Variants in DNAJC1 observed in about 807,000 individuals in gnomAD.
DNAJC1 encodes the protein dnaJ homolog subfamily C member 1.
In DNAJC1, 58 loss-of-function variants were observed where a neutral mutation model predicts 76.6. The observed-to-expected ratio is 0.76, with a 90% confidence interval of 0.61 to 0.94. DNAJC1 has a LOEUF of 0.94. Among genes scored for constraint, DNAJC1 ranks in the 40% least tolerant of loss-of-function variants. The pLI, the probability that DNAJC1 is intolerant of heterozygous loss-of-function variation, is 0.00. For synonymous variants in DNAJC1, 258 were observed against 267.9 expected (o/e 0.96, Z 0.36); for missense variants, 689 against 677.3 (o/e 1.02, Z -0.19).
At chr10:21,911,364 G>T (rs1370110709) in intron 6 of DNAJC1, among the ~76,000 whole-genome samples, 3 of 151,766 alleles carry the variant, frequency 2.0e-5, no homozygotes, top group African/African-American at 7.3e-5. Flanking sequence ...ATATTGTTTT[G>T]TTCTCCCATT....
intron 9 of DNAJC1, among the ~76,000 whole-genome samples, chr10:21,766,961 C>A (rs1453622542): frequency 1.4e-5 from 2 of 144,248 alleles, no homozygotes; most frequent in Non-Finnish European, 3.0e-5. Flanking sequence ...CGGAGTGAGA[C>A]CCTGCCTAAA....
chr10:21,833,134 T>C (rs1344820387), intron 8 of DNAJC1, among the ~76,000 whole-genome samples: 1 of 152,218 alleles, frequency 6.6e-6, no homozygotes, highest in Non-Finnish European at 1.5e-5. Context: ...ATTTAGCTCT[T>C]TGTCTGACCT....
Position 21,864,205 on chromosome 10 carries a change from C to T in DNAJC1, c.978+18077G>A, listed in dbSNP as rs912810817. On this transcript the variant is annotated intron_variant, in intron 8 of 11. Coordinates refer to ENST00000376980, the MANE Select transcript of DNAJC1 (RefSeq NM_022365.4). ...TGCCACTGCACTCCAGCCTCAGTGA[C>T]CCAGTGAGACCCTGTCTCAAAAAGA... 2.6e-5 allele frequency among the ~76,000 whole-genome samples: 4 copies of T among 152,162 alleles called. No homozygotes were observed. In the South Asian group the frequency reaches 6.2e-4, roughly 24 times the overall value.
In DNAJC1 at chr10:21,799,628, A is replaced by G. The variant is rs1260775326; in HGVS notation, c.1098+6352T>C. Among the ~76,000 whole-genome samples the G allele has an allele frequency of 4.6e-5, 7 of 151,826 alleles. No homozygotes were observed. The South Asian group carries it at 8.3e-4, about 18-fold the overall frequency. On this transcript the variant is annotated intron_variant, in intron 9 of 11. Coordinates refer to ENST00000376980, the MANE Select transcript of DNAJC1 (RefSeq NM_022365.4). ...TTTTTTTTCTTTTCCACATTTTTAC[A>G]TAGGCATTTTTCCAAGTTCTCAGCC... is the stretch of plus-strand genomic sequence containing the variant.
At chr10:21,903,166 G>A (rs533823774) in intron 7 of DNAJC1, among the ~76,000 whole-genome samples, 2 of 152,210 alleles carry the variant, frequency 1.3e-5, no homozygotes, top group East Asian at 1.9e-4. Context: ...TGATCCGCCC[G>A]CCTCGGCCTC....
intron 8 of DNAJC1, among the ~76,000 whole-genome samples, chr10:21,810,395 T>G (rs2131644861): frequency 6.6e-6 from 1 of 152,288 alleles, no homozygotes; most frequent in East Asian, 1.9e-4. Context: ...CCCTATAATC[T>G]TAGGGGAGTT....
intron 1 of DNAJC1, among the ~76,000 whole-genome samples, chr10:21,984,877 G>T (rs778396586): frequency 2.6e-5 from 4 of 152,140 alleles, no homozygotes; most frequent in Admixed American, 1.3e-4. Context: ...TGTGTACTCA[G>T]TTTACACACA....
intron 1 of DNAJC1, among the ~76,000 whole-genome samples, chr10:21,962,649 CT>C (rs775112321): frequency 1.1e-3 from 140 of 131,912 alleles, no homozygotes; most frequent in African/African-American, 1.7e-3. Flanking sequence ...TTTTCTTTTT[CT>C]TTTTTTTTTT....
intron 9 of DNAJC1, among the ~76,000 whole-genome samples, chr10:21,790,794 A>C (rs1231062925): frequency 6.6e-6 from 1 of 152,122 alleles, no homozygotes; most frequent in East Asian, 1.9e-4. Context: ...CAATGACATG[A>C]GAGGAAGAAA....
intron 8 of DNAJC1, among the ~76,000 whole-genome samples, chr10:21,842,971 TTTC>T (rs1217975625): frequency 2.0e-5 from 3 of 152,210 alleles, no homozygotes; most frequent in Non-Finnish European, 4.4e-5. Flanking sequence ...AGTCAACAGA[TTTC>T]TTATTAGTTG....
At chr10:21,945,616 G>T (rs1294002021) in intron 1 of DNAJC1, among the ~76,000 whole-genome samples, 1 of 152,122 alleles carries the variant, frequency 6.6e-6, no homozygotes, top group South Asian at 2.1e-4. Flanking sequence ...TAGGTTGGTT[G>T]TAAGATGAAA....
chr10:21,813,746 T>G (rs905330158), intron 8 of DNAJC1, among the ~76,000 whole-genome samples: 3 of 152,192 alleles, frequency 2.0e-5, no homozygotes, highest in Non-Finnish European at 2.9e-5. Flanking sequence ...GAGGAATGGG[T>G]AGCCATGTTT....
chr10:21,850,057 A>G (rs1447581437), intron 8 of DNAJC1, among the ~76,000 whole-genome samples: 1 of 152,202 alleles, frequency 6.6e-6, no homozygotes, highest in Non-Finnish European at 1.5e-5. Context: ...GAGATCAGGA[A>G]CAAGATAAGG....
At chr10:21,956,118 C>A (rs1414383152) in intron 1 of DNAJC1, among the ~76,000 whole-genome samples, 3 of 152,058 alleles carry the variant, frequency 2.0e-5, no homozygotes, top group Non-Finnish European at 2.9e-5. Context: ...GTCAAAGGGC[C>A]CACTTCTGGC....
At chr10:21,926,277 T>TAA (rs1201240759) in intron 3 of DNAJC1, among the ~76,000 whole-genome samples, 13 of 151,350 alleles carry the variant, frequency 8.6e-5, no homozygotes, top group Admixed American at 7.9e-4. Context: ...TTTTTTTTTT[T>TAA]AACTAAAAGT....
chr10:21,824,287 G>GTTTTTGGTGT, intron 8 of DNAJC1, among the ~76,000 whole-genome samples: 1 of 152,282 alleles, frequency 6.6e-6, no homozygotes, highest in Admixed American at 6.5e-5. Context: ...AACTAGGCTA[G>GTTTTTGGTGT]GCAAGAAGAG....
rs184611661 is a variant in DNAJC1, at chr10:21,975,577, G to C, written c.222+27636C>G. 5.8e-4 allele frequency among the ~76,000 whole-genome samples: 88 copies of C among 152,296 alleles called. 2 individuals carry two copies. Among genetic ancestry groups the C allele is most frequent in the Admixed American group, 4.9e-3 (75 of 15,306 alleles). On this transcript the variant is annotated intron_variant, in intron 1 of 11. Coordinates refer to ENST00000376980, the MANE Select transcript of DNAJC1 (RefSeq NM_022365.4). ...ACACAGACAATAGAAAGTGCCACTA[G>C]AGTGGCAAATTGAACTGTGCAAGGC...
chr10:21,815,975 C>A (rs1175030036), intron 8 of DNAJC1, among the ~76,000 whole-genome samples: 1 of 151,562 alleles, frequency 6.6e-6, no homozygotes, highest in Non-Finnish European at 1.5e-5. Context: ...AACTCCTGAC[C>A]TCAAGTGATC....
chr10:22,002,605 T>C (rs756395016), intron 1 of DNAJC1, among the ~76,000 whole-genome samples: 6 of 152,196 alleles, frequency 3.9e-5, no homozygotes, highest in Admixed American at 2.0e-4. Context: ...TCCAGATTTC[T>C]AAACTGCGAA....
Sources: gnomAD v4.1 joint callset for allele counts (sites outside exome capture counted in the v4.1 genomes callset) on GRCh38, gnomAD v4.1.1 for gene constraint, MANE v1.5 for transcripts, NCBI Gene and HGNC (gene_info 2026-07-23, HGNC 2026-07-21) for gene names.